The following TPO variants were observed in gnomAD, a reference collection of about 807,000 sequenced individuals.
TPO encodes the protein thyroid microsomal antigen.
TPO carries 78 observed loss-of-function variants against 96.9 expected under a neutral mutation model. The ratio of observed to expected loss-of-function variants is 0.81; its 90% confidence interval spans 0.67 to 0.97. The LOEUF is 0.97. Among genes scored for constraint, TPO ranks in the 50% least tolerant of loss-of-function variants. TPO has a pLI of 0.00. For synonymous variants in TPO, 547 were observed against 538.0 expected, an observed-to-expected ratio of 1.02 and a Z score of -0.23; for missense variants, 1,252 against 1,274.8, an observed-to-expected ratio of 0.98 and a Z score of 0.27.
chr2:1,421,657 A>C (rs1663545125), intron 2 of TPO, among the ~76,000 whole-genome samples: 1 of 152,228 alleles, frequency 6.6e-6, no homozygotes, highest in Non-Finnish European at 1.5e-5. Flanking sequence ...AAATAAGAGG[A>C]AAATAAAGGA....
chr2:1,430,615 C>T (rs1214934711), intron 3 of TPO, among the ~76,000 whole-genome samples: 1 of 152,236 alleles, frequency 6.6e-6, no homozygotes, highest in Non-Finnish European at 1.5e-5. Flanking sequence ...GCCTCAAGTG[C>T]TCAACTCCAA....
At chr2:1,521,973 G>A (rs952950497) in intron 15 of TPO, among the ~76,000 whole-genome samples, 2 of 151,988 alleles carry the variant, frequency 1.3e-5, no homozygotes, top group Non-Finnish European at 2.9e-5. Context: ...TCTCTGGGCA[G>A]CTCCCAGCCC....
chr2:1,509,576 G>T (rs1673855279), intron 14 of TPO, among the ~76,000 whole-genome samples: 1 of 150,198 alleles, frequency 6.7e-6, no homozygotes, highest in South Asian at 2.1e-4. Flanking sequence ...TCTTCTTTCG[G>T]GGATACCCCA....
chr2:1,437,876 G>A (rs555052362), intron 5 of TPO, among the ~76,000 whole-genome samples: 1 of 152,262 alleles, frequency 6.6e-6, no homozygotes, highest in East Asian at 1.9e-4. Context: ...GGGCTCAGAG[G>A]TGGAGATGGC....
chr2:1,535,369 C>A (rs1378955389), intron 15 of TPO, among the ~76,000 whole-genome samples: 1 of 66,556 alleles, frequency 1.5e-5, no homozygotes, highest in African/African-American at 5.5e-5. Context: ...CCACTGTGTG[C>A]AACCTCCTCA....
intron 1 of TPO, among the ~76,000 whole-genome samples, chr2:1,406,775 G>C (rs1348084910): frequency 6.6e-6 from 1 of 152,220 alleles, no homozygotes; most frequent in Non-Finnish European, 1.5e-5. Context: ...CCATTAGCAA[G>C]TGGAAGGTGA....
At chr2:1,444,202 T>C (rs1252902435) in intron 5 of TPO, among the ~76,000 whole-genome samples, 5 of 104,448 alleles carry the variant, frequency 4.8e-5, no homozygotes, top group East Asian at 3.8e-4. Flanking sequence ...GATCCAGTTA[T>C]TGCTGCAGGA....
At chr2:1,466,616 G>A (rs1668921610) in intron 7 of TPO, among the ~76,000 whole-genome samples, 1 of 152,072 alleles carries the variant, frequency 6.6e-6, no homozygotes, top group South Asian at 2.1e-4. Flanking sequence ...AGCTAGGAGG[G>A]TTATATCTTT....
At chr2:1,488,493 C>T (rs372971652) in intron 10 of TPO, among the ~76,000 whole-genome samples, 15 of 152,236 alleles carry the variant, frequency 9.9e-5, no homozygotes, top group East Asian at 3.9e-4. Flanking sequence ...ACACCCCACC[C>T]GGCTCCTGCC....
chr2:1,506,469 A>G (rs932190351), intron 14 of TPO, among the ~76,000 whole-genome samples: 8 of 152,188 alleles, frequency 5.3e-5, no homozygotes, highest in Non-Finnish European at 1.2e-4. Context: ...ACTGCCTTCC[A>G]CAATGGTTGA....
chr2:1,468,717 G>T (rs1028509143), intron 7 of TPO, among the ~76,000 whole-genome samples: 7 of 152,178 alleles, frequency 4.6e-5, no homozygotes, highest in Admixed American at 2.6e-4. Flanking sequence ...AATTCTCCAG[G>T]TGTTCTTTGA....
chr2:1,533,968 C>G (rs558967300), intron 15 of TPO, among the ~76,000 whole-genome samples: 1 of 98,574 alleles, frequency 1.0e-5, no homozygotes, highest in Non-Finnish European at 2.1e-5. Flanking sequence ...CCCCACCACT[C>G]TGTGCAACCT....
At chr2:1,453,255 C>T (rs977108479) in intron 5 of TPO, among the ~76,000 whole-genome samples, 2 of 152,202 alleles carry the variant, frequency 1.3e-5, no homozygotes, top group South Asian at 2.1e-4. Context: ...CAGGAACAGG[C>T]GCGACACCCT....
chr2:1,482,361 G>A (rs1670731572), intron 8 of TPO, among the ~76,000 whole-genome samples: 2 of 152,200 alleles, frequency 1.3e-5, no homozygotes, highest in African/African-American at 4.8e-5. Flanking sequence ...GTCAGCACCT[G>A]GTGGCTTTGG....
chr2:1,537,787 C>T (rs1309704842), intron 15 of TPO, among the ~76,000 whole-genome samples: 1 of 135,118 alleles, frequency 7.4e-6, no homozygotes, highest in Admixed American at 7.3e-5. Flanking sequence ...CCCAAATCCC[C>T]CCATTGTGAG....
intron 10 of TPO, among the ~76,000 whole-genome samples, chr2:1,493,209 T>TGGCGG (rs1553321278): frequency 5.7e-5 from 1 of 17,494 alleles, no homozygotes; most frequent in Admixed American, 7.3e-4. Context: ...TGTGAGTGGG[T>TGGCGG]GGGGGGGGGG....
intron 11 of TPO, 47 bp downstream of exon 11, chr2:1,494,086 A>G: frequency 1.3e-6 from 2 of 1,592,258 alleles, no homozygotes; most frequent in Non-Finnish European, 1.7e-6. Flanking sequence ...GCACAGAGGC[A>G]GGTGGTCTGC....
At chr2:1,470,098 G>A (rs1669255198) in intron 7 of TPO, among the ~76,000 whole-genome samples, 1 of 152,152 alleles carries the variant, frequency 6.6e-6, no homozygotes, top group African/African-American at 2.4e-5. Flanking sequence ...TTATTTTTCA[G>A]CAACAATTAA....
intron 3 of TPO, among the ~76,000 whole-genome samples, chr2:1,423,962 C>T (rs1043030678): frequency 1.3e-5 from 2 of 152,092 alleles, no homozygotes; most frequent in African/African-American, 4.8e-5. Flanking sequence ...ATACCAAGTG[C>T]GTAGTAAGAA....
Sources: allele counts gnomAD v4.1 joint callset (sites outside exome capture counted in the v4.1 genomes callset), GRCh38; gene constraint gnomAD v4.1.1; transcripts MANE v1.5; gene names NCBI Gene and HGNC (gene_info 2026-07-23, HGNC 2026-07-21).